Variants in PFKFB3 observed in about 807,000 individuals in gnomAD.
PFKFB3 encodes the protein 6-phosphofructo-2-kinase/fructose-2,6-biphosphatase 3.
In PFKFB3, 33 loss-of-function variants were observed where a neutral mutation model predicts 68.0. The ratio of observed to expected loss-of-function variants is 0.49; its 90% CI spans 0.37 to 0.65. PFKFB3 has a LOEUF of 0.65. Ranked by LOEUF, PFKFB3 falls within the 30% of genes least tolerant of loss-of-function variation. The pLI is 0.00. For synonymous variants in PFKFB3, 315 were observed against 288.2 expected, an observed-to-expected ratio of 1.09 and a Z score of -0.94; for missense variants, 586 against 712.2, an observed-to-expected ratio of 0.82 and a Z score of 2.02.
intron 13 of PFKFB3, among the ~76,000 whole-genome samples, chr10:6,225,882 C>T (rs890209987): frequency 1.3e-5 from 2 of 152,208 alleles, no homozygotes; most frequent in Non-Finnish European, 2.9e-5. Flanking sequence ...CTCTTTTCTC[C>T]GACCTCACGC....
At chr10:6,165,794 A>G (rs991618877) in intron 1 of PFKFB3, among the ~76,000 whole-genome samples, 1 of 151,442 alleles carries the variant, frequency 6.6e-6, no homozygotes, top group Admixed American at 6.6e-5. Context: ...AGTACCCAGT[A>G]TTTTATTTTC....
downstream of PFKFB3, among the ~76,000 whole-genome samples, chr10:6,256,307 G>A (rs1027465023): frequency 6.6e-6 from 1 of 152,180 alleles, no homozygotes; most frequent in African/African-American, 2.4e-5. Flanking sequence ...TTTTGGGATA[G>A]GAAGTGGCAG....
downstream of PFKFB3, among the ~76,000 whole-genome samples, chr10:6,237,688 C>A (rs890748562): frequency 6.6e-6 from 1 of 152,140 alleles, no homozygotes. Context: ...ACCTCTGCCT[C>A]CCGAGTAGCT....
At chr10:6,288,478 T>A in the PFKFB3 span, among the ~76,000 whole-genome samples, 1 of 151,726 alleles carries the variant, frequency 6.6e-6, no homozygotes, top group Non-Finnish European at 1.5e-5. Context: ...CTTGCAATAG[T>A]TTGCTGAGAA....
At chr10:6,309,695 C>T in the PFKFB3 span, among the ~76,000 whole-genome samples, 1 of 151,946 alleles carries the variant, frequency 6.6e-6, no homozygotes, top group Non-Finnish European at 1.5e-5. Context: ...TTAGACATAT[C>T]GCCATATTTA....
chr10:6,289,169 A>G, the PFKFB3 span, among the ~76,000 whole-genome samples: 12 of 133,068 alleles, frequency 9.0e-5, no homozygotes, highest in African/African-American at 2.5e-4. Flanking sequence ...GTTCACTCTC[A>G]TGGTAGTTTC....
chr10:6,231,491 G>C, intron 14 of PFKFB3: 5 of 985,368 alleles, frequency 5.1e-6, no homozygotes, highest in Non-Finnish European at 6.0e-6. Context: ...CGTGTCCTGA[G>C]CTGGGGCCCC....
chr10:6,167,238 C>T (rs1184391810), intron 1 of PFKFB3, among the ~76,000 whole-genome samples: 1 of 152,236 alleles, frequency 6.6e-6, no homozygotes, highest in Non-Finnish European at 1.5e-5. Flanking sequence ...GTAACTTTTA[C>T]CTGAGTACGT....
At chr10:6,308,706 C>T in the PFKFB3 span, among the ~76,000 whole-genome samples, 2 of 152,172 alleles carry the variant, frequency 1.3e-5, no homozygotes, top group Non-Finnish European at 2.9e-5. Flanking sequence ...ATTTATTATA[C>T]TGTGAGTTAA....
At chr10:6,258,263 G>T (rs1846510117), downstream of PFKFB3, among the ~76,000 whole-genome samples, 2 of 152,122 alleles carry the variant, frequency 1.3e-5, no homozygotes, top group South Asian at 4.1e-4. Context: ...ACTCTTTATT[G>T]TGTTACTATA....
At chr10:6,287,592 C>T in the PFKFB3 span, among the ~76,000 whole-genome samples, 4 of 152,108 alleles carry the variant, frequency 2.6e-5, no homozygotes, top group Non-Finnish European at 4.4e-5. Flanking sequence ...TGTAAGTACA[C>T]TCTGTGATGT....
intron 1 of PFKFB3, chr10:6,146,535 G>A (rs1841394527): frequency 6.6e-7 from 1 of 1,515,326 alleles, no homozygotes; most frequent in African/African-American, 1.4e-5. Flanking sequence ...GTTCTCTGGA[G>A]GCTCTCAGAG....
downstream of PFKFB3, among the ~76,000 whole-genome samples, chr10:6,235,846 A>G (rs1379173392): frequency 1.3e-5 from 2 of 149,542 alleles, no homozygotes; most frequent in Non-Finnish European, 3.0e-5. Flanking sequence ...AGCTCACTGC[A>G]ACCTCCTCCT....
the PFKFB3 span, among the ~76,000 whole-genome samples, chr10:6,321,670 C>T: frequency 6.6e-6 from 1 of 152,212 alleles, no homozygotes; most frequent in African/African-American, 2.4e-5. Flanking sequence ...AAATCACTCA[C>T]TCACCCAACC....
At position 6,203,215 on chromosome 10, in the gene PFKFB3, C is replaced by A; in HGVS notation, c.-46C>A. 1.3e-6 allele frequency: 2 copies of A among 1,595,456 alleles called. No homozygotes were observed. Among genetic ancestry groups the A allele is most frequent in the East Asian group, 4.5e-5 (2 of 43,972 alleles). ...TCGGCGGCCGCTCTCCTGCCAGCGT[C>A]GGGATCTCGGCCCCGGGAGGCGGGC... is the stretch of plus-strand genomic sequence containing the variant. On this transcript the variant is annotated 5_prime_UTR_variant, in exon 1 of 15. Coordinates refer to ENST00000379775, the MANE Select transcript of PFKFB3 (RefSeq NM_004566.4).
At chr10:6,282,395 T>A in the PFKFB3 span, among the ~76,000 whole-genome samples, 1 of 152,202 alleles carries the variant, frequency 6.6e-6, no homozygotes, top group African/African-American at 2.4e-5. Context: ...AGATTCCCGC[T>A]GCATGGTCTG....
Position 6,190,125 on chromosome 10 carries a change from G to A in PFKFB3, c.17-23498G>A, listed in dbSNP as rs537039615. Among the ~76,000 whole-genome samples the A allele has an allele frequency of 5.9e-5, 9 of 151,594 alleles. No homozygotes were observed. In the South Asian group the frequency reaches 1.7e-3, roughly 28 times the overall value. On this transcript the variant is annotated intron_variant, in intron 1 of 14. Coordinates refer to the PFKFB3 transcript ENST00000379789. ...CGCCCAGCTAATTTTTGTGTTTTTA[G>A]TGGAGATGGAGTTTCACCATGTTGG...
Position 6,146,158 on chromosome 10 carries a change from C to G in PFKFB3, c.16+1145C>G, listed in dbSNP as rs1211583578. On this transcript the variant is annotated intron_variant, in intron 1 of 14. Coordinates refer to the PFKFB3 transcript ENST00000379789. Reference sequence around the variant, plus strand: ...GGGGTGTGTGTGGGGGGAGCCTGGCCTCCCCTGGCACTGGGCCTGTGCTGT... The same window carrying G: ...GGGGTGTGTGTGGGGGGAGCCTGGCGTCCCCTGGCACTGGGCCTGTGCTGT... 5.4e-6 allele frequency: 5 copies of G among 917,504 alleles called. No homozygotes were observed. The South Asian group carries it at 2.5e-4, about 46-fold the overall frequency. The allele number at this position is 917,504 out of a possible 1,614,324, so 56.8% of individuals were successfully genotyped here.
chr10:6,305,005 A>ATTTTTTTTTTTTTTTTTTTTTTT, the PFKFB3 span, among the ~76,000 whole-genome samples: 4 of 14,514 alleles, frequency 2.8e-4, 1 homozygote, highest in African/African-American at 3.6e-4. Flanking sequence ...AATATTAGGA[A>ATTTTTTTTTTTTTTTTTTTTTTT]TTTTTTTTTT....
Sources: gnomAD v4.1 joint callset for allele counts (sites outside exome capture counted in the v4.1 genomes callset) on GRCh38, gnomAD v4.1.1 for gene constraint, MANE v1.5 for transcripts, NCBI Gene and HGNC (gene_info 2026-07-23, HGNC 2026-07-21) for gene names.